The following FAM227B variants were observed in gnomAD, a reference collection of about 807,000 sequenced individuals.
The protein encoded by FAM227B is family with sequence similarity 227 member B.
A neutral mutation model predicts 73.8 loss-of-function variants in FAM227B; 88 were observed. That is an observed-to-expected ratio of 1.19 (90% CI 1.00 to 1.42). The LOEUF (loss-of-function observed/expected upper bound fraction) is 1.42. Among genes scored for constraint, FAM227B ranks in the 40% most tolerant of loss-of-function variants. FAM227B has a pLI of 0.00. For synonymous variants in FAM227B, 210 were observed against 190.5 expected (o/e 1.10, Z -0.84); for missense variants, 632 against 590.9 (o/e 1.07, Z -0.72).
At chr15:49,415,819 A>G (rs973388001) in intron 11 of FAM227B, among the ~76,000 whole-genome samples, 4 of 152,166 alleles carry the variant, frequency 2.6e-5, no homozygotes, top group African/African-American at 7.2e-5. Flanking sequence ...ATGTTAGGGC[A>G]TTATGCCAAG....
intron 13 of FAM227B, chr15:49,365,795 T>C (rs965185377): frequency 7.7e-5 from 66 of 859,608 alleles, no homozygotes; most frequent in Middle Eastern, 3.4e-4. Context: ...GCTATTGCTA[T>C]GCACAGTCCA....
At chr15:49,447,835 T>A (rs2052365654) in intron 11 of FAM227B, among the ~76,000 whole-genome samples, 1 of 151,718 alleles carries the variant, frequency 6.6e-6, no homozygotes, top group Admixed American at 6.6e-5. Flanking sequence ...AATCCAAGAT[T>A]CACAGAACGA....
At chr15:49,424,114 G>A (rs928617943) in intron 11 of FAM227B, 1 of 489,582 alleles carries the variant, frequency 2.0e-6, no homozygotes, top group Admixed American at 3.4e-5. Flanking sequence ...GTTATTTAAG[G>A]AGGAATCCTG....
chr15:49,468,105 T>C (rs2054425290), intron 11 of FAM227B, among the ~76,000 whole-genome samples: 1 of 152,208 alleles, frequency 6.6e-6, no homozygotes, highest in Non-Finnish European at 1.5e-5. Context: ...AAAGATTTTC[T>C]AATGTTTTAT....
At chr15:49,600,349 TC>T (rs60324305) in intron 3 of FAM227B, among the ~76,000 whole-genome samples, 8,176 of 150,062 alleles carry the variant, frequency 0.054, 808 homozygotes, top group African/African-American at 0.19. Context: ...TTTCTTTCTT[TC>T]TTTTTTTTTT....
In FAM227B at chr15:49,371,316, T is replaced by G. The variant is rs765813656; in HGVS notation, c.1096A>C (p.Arg366=). 4 of 1,587,150 alleles carry G rather than the reference T, an allele frequency of 2.5e-6. No individual in the cohort carries two copies. The highest frequency in any genetic ancestry group is 3.4e-6 in the Non-Finnish European group (4 of 1,159,464). Residue 366 remains arginine (R), a synonymous_variant, in exon 12 of 16, where the codon AGA becomes CGA. Coordinates refer to ENST00000299338, the MANE Select transcript of FAM227B (RefSeq NM_152647.3). ...ATACTCCAAACCTTTGTTGCTAGTC[T>G]TGATAATCTTGATTCTTCCTTGGAT... The part of the protein sequence containing the change: ...PISKEESRLS[R]LATKSHYSST...
intron 10 of FAM227B, among the ~76,000 whole-genome samples, chr15:49,511,139 T>C (rs1216027341): frequency 6.6e-6 from 1 of 152,110 alleles, no homozygotes; most frequent in African/African-American, 2.4e-5. Flanking sequence ...TTTCTTTGCT[T>C]TCTCTCTGTT....
chr15:49,349,066 T>C (rs2151287936), intron 13 of FAM227B, among the ~76,000 whole-genome samples: 1 of 152,342 alleles, frequency 6.6e-6, no homozygotes, highest in East Asian at 1.9e-4. Flanking sequence ...CTGAAGTCTT[T>C]TATTTAATTC....
intron 3 of FAM227B, among the ~76,000 whole-genome samples, chr15:49,607,277 T>C (rs553552196): frequency 6.6e-6 from 1 of 152,310 alleles, no homozygotes; most frequent in South Asian, 2.1e-4. Flanking sequence ...GCTATATAAA[T>C]ACGTTAAGTG....
intron 13 of FAM227B, among the ~76,000 whole-genome samples, chr15:49,357,569 C>G (rs1043822909): frequency 9.9e-5 from 15 of 151,554 alleles, no homozygotes; most frequent in Non-Finnish European, 1.6e-4. Context: ...AGACCAATAA[C>G]AGGAGCTGAA....
At position 49,417,103 on chromosome 15, in the gene FAM227B, C is replaced by T. The variant is rs938513430; in HGVS notation, c.1013-45704G>A. ...CCAAGGCAATCCTAGGCCAAAAGAA[C>T]ATAGCTGGTTGGGTGCAGTTGCTCA... is the stretch of plus-strand genomic sequence containing the variant. On this transcript the variant is annotated intron_variant, in intron 11 of 15. Coordinates refer to ENST00000299338, the MANE Select transcript of FAM227B (RefSeq NM_152647.3). 5.3e-5 allele frequency among the ~76,000 whole-genome samples: 8 copies of T among 152,248 alleles called. No individual in the cohort carries two copies. The East Asian group carries it at 1.5e-3, about 29-fold the overall frequency.
chr15:49,395,952 A>T (rs373017175), intron 11 of FAM227B: 3 of 456,006 alleles, frequency 6.6e-6, no homozygotes, highest in African/African-American at 6.0e-5. Flanking sequence ...AACAGAGGAG[A>T]ACAAAATGTG....
intron 11 of FAM227B, among the ~76,000 whole-genome samples, chr15:49,453,909 C>T (rs2053020180): frequency 6.6e-6 from 1 of 152,134 alleles, no homozygotes; most frequent in Admixed American, 6.6e-5. Context: ...GGAAGCCTTG[C>T]ATTCCTCCAT....
chr15:49,401,231 C>G (rs2048118698), intron 11 of FAM227B, among the ~76,000 whole-genome samples: 1 of 152,196 alleles, frequency 6.6e-6, no homozygotes, highest in Non-Finnish European at 1.5e-5. Context: ...ATTTATGCAG[C>G]CAAAAAACAC....
Position 49,360,697 on chromosome 15 carries a change from T to C in FAM227B, c.1271+6751A>G, listed in dbSNP as rs148099563. Among the ~76,000 whole-genome samples, 289 of 152,318 alleles carry C rather than the reference T, an allele frequency of 1.9e-3. 2 individuals are homozygous for C. The highest frequency in any genetic ancestry group is 6.4e-3 in the African/African-American group (266 of 41,574). ...CAAAGTTTTTCTCCTGTTTTACTCATAATTCAAATATCAAGTGACCAAGTT... is the reference window on the plus strand; with the variant it reads ...CAAAGTTTTTCTCCTGTTTTACTCACAATTCAAATATCAAGTGACCAAGTT... On this transcript the variant is annotated intron_variant, in intron 13 of 15. Transcript: ENST00000299338.
At chr15:49,353,017 A>T (rs1177851827) in intron 13 of FAM227B, among the ~76,000 whole-genome samples, 2 of 152,174 alleles carry the variant, frequency 1.3e-5, no homozygotes, top group East Asian at 1.9e-4. Flanking sequence ...TGGCAAAAAC[A>T]GTGTCTAAGC....
chr15:49,569,062 T>G (rs1470944876), intron 8 of FAM227B, among the ~76,000 whole-genome samples: 1 of 151,978 alleles, frequency 6.6e-6, no homozygotes, highest in East Asian at 1.9e-4. Flanking sequence ...TCCTTAATAG[T>G]TACAATCTAG....
intron 13 of FAM227B, among the ~76,000 whole-genome samples, chr15:49,346,805 G>C (rs2041577517): frequency 6.6e-6 from 1 of 152,160 alleles, no homozygotes; most frequent in South Asian, 2.1e-4. Flanking sequence ...TTATACACTA[G>C]AATGCACTTA....
chr15:49,519,569 C>T (rs930566708), intron 10 of FAM227B, among the ~76,000 whole-genome samples: 10 of 152,088 alleles, frequency 6.6e-5, no homozygotes, highest in Non-Finnish European at 1.2e-4. Context: ...TGTAAGCCAC[C>T]GAGGCTTGCA....
Sources: allele counts gnomAD v4.1 joint callset (sites outside exome capture counted in the v4.1 genomes callset), GRCh38; gene constraint gnomAD v4.1.1; transcripts MANE v1.5; gene names NCBI Gene and HGNC (gene_info 2026-07-23, HGNC 2026-07-21).